VCL: variants seen among roughly 807,000 people sequenced by gnomAD.
VCL encodes the protein epididymis luminal protein 114.
VCL carries 47 observed loss-of-function variants against 125.7 expected under a neutral mutation model. The observed-to-expected ratio is 0.37, with a 90% CI of 0.30 to 0.48. VCL has a LOEUF of 0.48. Ranked by LOEUF, VCL falls within the 20% of genes least tolerant of loss-of-function variation. The pLI, the probability that VCL is intolerant of heterozygous loss-of-function variation, is 0.99. For synonymous variants in VCL, 458 were observed against 514.6 expected, an observed-to-expected ratio of 0.89 and a Z score of 1.49; for missense variants, 1,069 against 1,455.5, an observed-to-expected ratio of 0.73 and a Z score of 4.32.
In VCL at chr10:74,118,378, A is replaced by T; in HGVS notation, c.*209A>T. ...AAATGTGTTTCTGTATAAAGCCTGT[A>T]TTCTCAAACACAGTTACACTTGTGC... On this transcript the variant is annotated 3_prime_UTR_variant, in exon 22 of 22. Coordinates refer to ENST00000211998, the MANE Select transcript of VCL (RefSeq NM_014000.3). 1 of 649,584 alleles carries T rather than the reference A, an allele frequency of 1.5e-6. No individual in the cohort carries two copies. The allele number at this position is 649,584 out of a possible 1,614,324, so 40.2% of individuals were successfully genotyped here.
chr10:74,002,207 C>A (rs1591644069), intron 1 of VCL, among the ~76,000 whole-genome samples: 2 of 152,160 alleles, frequency 1.3e-5, no homozygotes, highest in Non-Finnish European at 2.9e-5. Context: ...CTCACCGCAA[C>A]CTCTGTCTCC....
chr10:74,013,995 ATATACAGTT>A (rs1840487212), intron 1 of VCL, among the ~76,000 whole-genome samples: 2 of 152,246 alleles, frequency 1.3e-5, no homozygotes, highest in Non-Finnish European at 2.9e-5. Flanking sequence ...ATGTTGTGGA[ATATACAGTT>A]TTACCAACTG....
chr10:74,041,846 T>A (rs1478830822), intron 1 of VCL, among the ~76,000 whole-genome samples: 1 of 152,244 alleles, frequency 6.6e-6, no homozygotes, highest in Non-Finnish European at 1.5e-5. Context: ...AAGGTTTCAG[T>A]GAGCTGAGAC....
At chr10:74,020,592 A>T (rs986699063) in intron 1 of VCL, among the ~76,000 whole-genome samples, 1 of 152,048 alleles carries the variant, frequency 6.6e-6, no homozygotes, top group African/African-American at 2.4e-5. Context: ...TGTAATCCCA[A>T]CACCTTGGGA....
At chr10:74,019,320 G>T (rs1840616683) in intron 1 of VCL, among the ~76,000 whole-genome samples, 1 of 152,124 alleles carries the variant, frequency 6.6e-6, no homozygotes, top group Non-Finnish European at 1.5e-5. Context: ...ATGTGCCATG[G>T]TGGTTTGCTA....
intron 6 of VCL, chr10:74,076,937 T>C (rs1274844972): frequency 6.5e-6 from 1 of 152,682 alleles, no homozygotes; most frequent in Non-Finnish European, 1.5e-5. Context: ...TAAATGTTAT[T>C]GAACTTTATT....
At chr10:74,076,478 T>A (rs1350511337) in intron 6 of VCL, 1 of 152,682 alleles carries the variant, frequency 6.5e-6, no homozygotes, top group Middle Eastern at 3.1e-3. Context: ...CTGAGTTACC[T>A]GTGGACCCTG....
intron 1 of VCL, among the ~76,000 whole-genome samples, chr10:74,008,251 A>G (rs1291789897): frequency 1.3e-5 from 2 of 152,208 alleles, no homozygotes; most frequent in Non-Finnish European, 2.9e-5. Context: ...TGGAATTTAT[A>G]ATGGGCTTTG....
chr10:74,000,450 C>G (rs1013516700), intron 1 of VCL, among the ~76,000 whole-genome samples: 1 of 151,950 alleles, frequency 6.6e-6, no homozygotes, highest in Admixed American at 6.6e-5. Flanking sequence ...GAGTCTTCCT[C>G]TGTCACGAGG....
intron 1 of VCL, among the ~76,000 whole-genome samples, chr10:74,004,042 TCAG>T (rs1840275762): frequency 6.6e-6 from 1 of 152,168 alleles, no homozygotes; most frequent in Non-Finnish European, 1.5e-5. Flanking sequence ...TAAAAGGAGA[TCAG>T]CAGTTAATTT....
intron 8 of VCL, among the ~76,000 whole-genome samples, chr10:74,087,820 A>G (rs1839812602): frequency 6.6e-6 from 1 of 152,010 alleles, no homozygotes. Flanking sequence ...TACTAAAAAT[A>G]CAAAAATTAG....
chr10:73,998,212 C>T lies in VCL; in HGVS notation c.5C>T (p.Pro2Leu). 6.2e-7 allele frequency: 1 copy of T among 1,612,542 alleles called. No homozygotes were observed. The highest frequency in any genetic ancestry group is 1.1e-5 in the South Asian group (1 of 90,824). ...GCCGCCCCGCTCGCCGCCGCGATGC[C>T]AGTGTTTCATACGCGCACGATCGAG... MPVFHTRTIESI... is the reference protein window; with the variant it reads MLVFHTRTIESI... The change falls in exon 1 of 22, where the codon CCA (proline) becomes CTA (leucine). Residue 2 changes from proline to leucine, a missense_variant. Physicochemically the swap from Pro to Leu is moderately conservative, Grantham distance 98. Transcript: ENST00000211998.
At chr10:74,117,907 T>TGG in intron 21 of VCL, 116 bp from the exon 22 acceptor site, 2 of 1,436,926 alleles carry the variant, frequency 1.4e-6, no homozygotes, top group Admixed American at 3.3e-5. Context: ...CAAGCAAATA[T>TGG]GGGGGATGCC....
chr10:74,113,099 G>T (rs1840254568), intron 19 of VCL, among the ~76,000 whole-genome samples: 1 of 152,168 alleles, frequency 6.6e-6, no homozygotes, highest in South Asian at 2.1e-4. Flanking sequence ...ACCCTGCAGT[G>T]GTATGGTTTG....
chr10:74,029,929 C>T (rs1181621461), intron 1 of VCL, among the ~76,000 whole-genome samples: 1 of 152,052 alleles, frequency 6.6e-6, no homozygotes, highest in East Asian at 1.9e-4. Context: ...TTCTACTTCC[C>T]ATGGTATGTT....
At chr10:74,112,198 T>C in intron 19 of VCL, 86 bp downstream of exon 19, 1 of 1,546,740 alleles carries the variant, frequency 6.5e-7, no homozygotes, top group Non-Finnish European at 8.9e-7. Context: ...TCATGATCTG[T>C]GCTGGTCCTG....
intron 21 of VCL, 110 bp downstream of exon 21, chr10:74,115,009 G>C: frequency 9.7e-7 from 1 of 1,031,324 alleles, no homozygotes; most frequent in Non-Finnish European, 1.5e-6. Flanking sequence ...CGAGTATTCA[G>C]TATGTGGGAT....
rs533231503 is a variant in VCL at position 73,998,142 on chromosome 10, C to A, written c.-66C>A. The A allele has an allele frequency of 3.8e-6, 6 of 1,578,488 alleles. No individual in the cohort carries two copies. Among genetic ancestry groups the A allele is most frequent in the South Asian group, 3.4e-5 (3 of 87,392 alleles). ...GTCGCTGCACAGTCTGTCTCTTCGC[C>A]GGTTCCCGGCCCCGTGGATCCTACT... is the stretch of plus-strand genomic sequence containing the variant. On this transcript the variant is annotated 5_prime_UTR_variant, in exon 1 of 22. Transcript: ENST00000211998.
intron 2 of VCL, among the ~76,000 whole-genome samples, chr10:74,058,389 G>A (rs1591678181): frequency 6.6e-6 from 1 of 152,040 alleles, no homozygotes; most frequent in African/African-American, 2.4e-5. Context: ...TGTTTCCTTG[G>A]GTGTGCTCCA....
Sources: gnomAD v4.1 joint callset for allele counts (sites outside exome capture counted in the v4.1 genomes callset) on GRCh38, gnomAD v4.1.1 for gene constraint, MANE v1.5 for transcripts, NCBI Gene and HGNC (gene_info 2026-07-23, HGNC 2026-07-21) for gene names.